The following ZNF385B variants were observed in gnomAD, a reference collection of about 807,000 sequenced individuals.
ZNF385B encodes the protein zinc finger protein 385B.
A neutral mutation model predicts 39.2 loss-of-function variants in ZNF385B; 23 were observed. That is an observed-to-expected ratio of 0.59 (90% CI 0.42 to 0.83). The LOEUF is 0.83. ZNF385B is among the 40% of genes least tolerant of loss of function. ZNF385B has a pLI of 0.00. For missense variants in ZNF385B, 552 were observed against 598.9 expected, an observed-to-expected ratio of 0.92 and a Z score of 0.82; for synonymous variants, 205 against 222.6, an observed-to-expected ratio of 0.92 and a Z score of 0.70.
intron 1 of ZNF385B, among the ~76,000 whole-genome samples, chr2:179,787,776 C>T (rs1301016020): frequency 6.6e-6 from 1 of 152,180 alleles, no homozygotes; most frequent in African/African-American, 2.4e-5. Flanking sequence ...GAGCTGAACA[C>T]ATGTTCAATC....
intron 3 of ZNF385B, among the ~76,000 whole-genome samples, chr2:179,566,390 A>T (rs1250653387): frequency 6.6e-6 from 1 of 152,212 alleles, no homozygotes; most frequent in Admixed American, 6.5e-5. Flanking sequence ...TGCCAACCCT[A>T]CTATAAGGGG....
chr2:179,694,956 A>AGAG lies in ZNF385B; in HGVS notation c.298+74544_298+74546dup, dbSNP rs71994313. On this transcript the variant is annotated intron_variant, in intron 3 of 9. Coordinates refer to ENST00000410066, the MANE Select transcript of ZNF385B (RefSeq NM_152520.6). Reference sequence around the variant, plus strand: ...AAAAAGAAAAAAGAAAAAAGAAAGAAGAGGAGGAGGAGGAGGAGGAGGAGG... The same window carrying AGAG: ...AAAAAGAAAAAAGAAAAAAGAAAGAAGAGGAGGAGGAGGAGGAGGAGGAGGAGG... Among the ~76,000 whole-genome samples, 670 of 148,694 alleles carry AGAG rather than the reference A, an allele frequency of 4.5e-3. 3 individuals are homozygous for AGAG. The highest frequency in any genetic ancestry group is 7.6e-3 in the African/African-American group (306 of 40,378).
chr2:179,683,773 G>A (rs1325091103), intron 3 of ZNF385B, among the ~76,000 whole-genome samples: 6 of 152,144 alleles, frequency 3.9e-5, no homozygotes, highest in Non-Finnish European at 8.8e-5. Flanking sequence ...ACGGTGCCTG[G>A]CCTTGAAATG....
chr2:179,712,067 C>A (rs1407841862), intron 3 of ZNF385B, among the ~76,000 whole-genome samples: 1 of 151,986 alleles, frequency 6.6e-6, no homozygotes. Flanking sequence ...TGGCATGACA[C>A]TCATTAACAT....
chr2:179,566,745 T>C (rs761589565), intron 3 of ZNF385B, among the ~76,000 whole-genome samples: 1 of 152,162 alleles, frequency 6.6e-6, no homozygotes, highest in Non-Finnish European at 1.5e-5. Context: ...TTTGAATTAA[T>C]TTTAAATGGA....
intron 1 of ZNF385B, among the ~76,000 whole-genome samples, chr2:179,785,747 A>G (rs781280659): frequency 6.6e-6 from 1 of 152,164 alleles, no homozygotes; most frequent in African/African-American, 2.4e-5. Flanking sequence ...CTTCTTACGG[A>G]TGAGCAAAGA....
chr2:179,773,906 T>A lies in ZNF385B; in HGVS notation c.-154-3234A>T, dbSNP rs115513349. Among the ~76,000 whole-genome samples the A allele has an allele frequency of 3.7e-3, 568 of 152,332 alleles. 5 individuals are homozygous for A. Among genetic ancestry groups the A allele is most frequent in the African/African-American group, 0.013 (538 of 41,566 alleles). ...TCAGCATCTAAGATTGTGTTTTGTA[T>A]AAAATAGGCACTTAATAAATGTTGG... On this transcript the variant is annotated intron_variant, in intron 1 of 9. Transcript: ENST00000410066.
intron 3 of ZNF385B, among the ~76,000 whole-genome samples, chr2:179,583,369 G>A (rs1686754457): frequency 6.6e-6 from 1 of 152,234 alleles, no homozygotes; most frequent in Admixed American, 6.5e-5. Flanking sequence ...TGTGTCAAAT[G>A]CAATTTCTAA....
At chr2:179,465,685 G>T (rs747545553) in intron 6 of ZNF385B, among the ~76,000 whole-genome samples, 1 of 151,858 alleles carries the variant, frequency 6.6e-6, no homozygotes, top group African/African-American at 2.4e-5. Context: ...CTCATTTTAG[G>T]CCCTAATCTA....
intron 6 of ZNF385B, among the ~76,000 whole-genome samples, chr2:179,455,639 C>T (rs558369447): frequency 1.4e-3 from 210 of 152,076 alleles, no homozygotes; most frequent in Admixed American, 4.7e-3. Context: ...ACCTGTAATC[C>T]CAATACTTTG....
intron 3 of ZNF385B, among the ~76,000 whole-genome samples, chr2:179,708,897 C>G (rs1699805478): frequency 6.6e-6 from 1 of 152,146 alleles, no homozygotes. Context: ...CCTGTGGAAG[C>G]CTGATGGGAC....
intron 3 of ZNF385B, among the ~76,000 whole-genome samples, chr2:179,694,983 G>GAAGAAA (rs1381953965): frequency 6.6e-6 from 1 of 151,608 alleles, no homozygotes; most frequent in Non-Finnish European, 1.5e-5. Context: ...AGGAGGAGGA[G>GAAGAAA]GAGGAGAAGA....
At chr2:179,700,060 CA>C (rs1699067105) in intron 3 of ZNF385B, among the ~76,000 whole-genome samples, 2 of 5,718 alleles carry the variant, frequency 3.5e-4, no homozygotes, top group Non-Finnish European at 2.4e-3. Context: ...AACAGAAAAA[CA>C]CACACACACA....
intron 3 of ZNF385B, among the ~76,000 whole-genome samples, chr2:179,551,743 G>A (rs1304396710): frequency 6.6e-6 from 1 of 152,048 alleles, no homozygotes. Flanking sequence ...CCTTCCTTAA[G>A]TGTGTACTTT....
intron 1 of ZNF385B, among the ~76,000 whole-genome samples, chr2:179,795,281 C>T (rs189856140): frequency 5.3e-4 from 81 of 151,974 alleles, no homozygotes; most frequent in South Asian, 4.0e-3. Flanking sequence ...AAAATATAGA[C>T]GCAGGGAACT....
chr2:179,621,060 C>G (rs1341590032), intron 3 of ZNF385B, among the ~76,000 whole-genome samples: 2 of 151,880 alleles, frequency 1.3e-5, no homozygotes, highest in African/African-American at 4.8e-5. Flanking sequence ...ATCATACTAA[C>G]CAGGTGGTAT....
chr2:179,471,713 C>T (rs901976965), intron 6 of ZNF385B, among the ~76,000 whole-genome samples: 7 of 152,100 alleles, frequency 4.6e-5, no homozygotes, highest in Admixed American at 3.3e-4. Context: ...TAAAAACTGA[C>T]AATTGGATTT....
At chr2:179,616,209 G>A (rs920393953) in intron 3 of ZNF385B, among the ~76,000 whole-genome samples, 2 of 152,120 alleles carry the variant, frequency 1.3e-5, no homozygotes, top group Admixed American at 1.3e-4. Flanking sequence ...GCTATTGTGG[G>A]AATCAAATGA....
intron 3 of ZNF385B, among the ~76,000 whole-genome samples, chr2:179,663,524 C>T (rs1036730200): frequency 2.0e-5 from 3 of 151,970 alleles, no homozygotes; most frequent in Admixed American, 6.6e-5. Context: ...TCCTGGCTAA[C>T]ATGGTGAAAA....
Sources: allele counts gnomAD v4.1 joint callset (sites outside exome capture counted in the v4.1 genomes callset), GRCh38; gene constraint gnomAD v4.1.1; transcripts MANE v1.5; gene names NCBI Gene and HGNC (gene_info 2026-07-23, HGNC 2026-07-21).